The following SAMD13 variants were observed in gnomAD, a reference collection of about 807,000 sequenced individuals.
The protein encoded by SAMD13 is sterile alpha motif domain containing 13, also known as sterile alpha motif domain-containing protein 13.
SAMD13 carries 9 observed loss-of-function variants against 12.4 expected under a neutral mutation model. The observed-to-expected ratio is 0.72, with a 90% CI of 0.44 to 1.26. The LOEUF (loss-of-function observed/expected upper bound fraction) is 1.26, where lower values mean the gene tolerates loss of function less well. Among genes scored for constraint, SAMD13 ranks in the 50% most tolerant of loss-of-function variants. The probability of loss-of-function intolerance (pLI) is 0.00; values close to 1 mark genes in which losing one functional copy is unlikely to be tolerated. For synonymous variants in SAMD13, 46 were observed against 45.4 expected (o/e 1.01, Z -0.05); for missense variants, 84 against 119.6 (o/e 0.70, Z 1.39).
At chr1:84,345,152 G>A (rs1252434717) in intron 3 of SAMD13, 1 of 456,452 alleles carries the variant, frequency 2.2e-6, no homozygotes, top group Admixed American at 2.3e-5. Context: ...ACTTCAGACT[G>A]GTCACCATTT....
intron 3 of SAMD13, among the ~76,000 whole-genome samples, chr1:84,337,099 C>T (rs545731808): frequency 6.6e-6 from 1 of 152,316 alleles, no homozygotes; most frequent in African/African-American, 2.4e-5. Context: ...AGCCTCCCTC[C>T]TGGCTGCTTT....
At chr1:84,310,005 C>A (rs1237135416) in intron 2 of SAMD13, among the ~76,000 whole-genome samples, 2 of 152,016 alleles carry the variant, frequency 1.3e-5, no homozygotes, top group African/African-American at 2.4e-5. Flanking sequence ...GTTAAACAAT[C>A]AAATATTTTA....
rs1240613087 is a variant in SAMD13, at chr1:84,303,134, G to A, written c.-32-69G>A. On this transcript the variant is annotated intron_variant, in intron 1 of 3. Coordinates refer to ENST00000394834, the MANE Select transcript of SAMD13 (RefSeq NM_001134663.2). ...CTGTAAAAGGGACCATTATGTTTCC[G>A]ATTCAGAATATATATTCTTCTCTCA... 4.1e-6 allele frequency: 5 copies of A among 1,210,168 alleles called. 1 individual carries two copies. The highest frequency in any genetic ancestry group is 1.5e-5 in the African/African-American group (1 of 66,132). The allele number at this position is 1,210,168 out of a possible 1,614,324, so 75.0% of individuals were successfully genotyped here.
chr1:84,330,880 G>A (rs1570250300), intron 3 of SAMD13, among the ~76,000 whole-genome samples: 1 of 152,086 alleles, frequency 6.6e-6, no homozygotes, highest in African/African-American at 2.4e-5. Context: ...GTATCTCTGA[G>A]ATAATCATGA....
intron 3 of SAMD13, among the ~76,000 whole-genome samples, chr1:84,326,787 G>A (rs1037321460): frequency 1.1e-4 from 16 of 152,230 alleles, no homozygotes; most frequent in African/African-American, 3.9e-4. Flanking sequence ...TTAGCTGTAT[G>A]GCCTGAGTTT....
At chr1:84,313,200 A>T (rs1678752855) in intron 2 of SAMD13, among the ~76,000 whole-genome samples, 1 of 152,206 alleles carries the variant, frequency 6.6e-6, no homozygotes, top group Admixed American at 6.6e-5. Flanking sequence ...AAGAATGTAC[A>T]TATATATGGG....
chr1:84,306,442 G>C (rs778363042), intron 2 of SAMD13, among the ~76,000 whole-genome samples: 2 of 151,894 alleles, frequency 1.3e-5, no homozygotes, highest in Admixed American at 6.6e-5. Context: ...TTCCTTCCCA[G>C]TCTGAATGCC....
chr1:84,334,693 T>C (rs1170971047), intron 3 of SAMD13, among the ~76,000 whole-genome samples: 1 of 152,180 alleles, frequency 6.6e-6, no homozygotes, highest in Non-Finnish European at 1.5e-5. Context: ...ATGTGGGCAC[T>C]TAGCAGTATA....
chr1:84,319,694 A>G (rs1678902357), intron 2 of SAMD13, among the ~76,000 whole-genome samples: 1 of 152,088 alleles, frequency 6.6e-6, no homozygotes, highest in Admixed American at 6.6e-5. Flanking sequence ...ATGTACAGAT[A>G]GAAAGAGGAA....
chr1:84,330,350 T>C (rs1402770247), intron 3 of SAMD13, among the ~76,000 whole-genome samples: 2 of 152,220 alleles, frequency 1.3e-5, no homozygotes, highest in Non-Finnish European at 2.9e-5. Context: ...AGTTGAACTT[T>C]TGTGAATAGA....
In SAMD13 at chr1:84,313,157, C is replaced by T. The variant is rs575861162; in HGVS notation, c.53+9870C>T. Among the ~76,000 whole-genome samples the T allele has an allele frequency of 5.9e-5, 9 of 152,166 alleles. No homozygotes were observed. In the East Asian group the frequency reaches 1.7e-3, roughly 29 times the overall value. ...TCTATGTATCCACATGTATACATAA[C>T]ACAAGAATATATACATATATTCACA... On this transcript the variant is annotated intron_variant, in intron 2 of 3. Coordinates refer to ENST00000394834, the MANE Select transcript of SAMD13 (RefSeq NM_001134663.2).
chr1:84,303,104 T>G (rs1366634636), intron 1 of SAMD13, 99 bp from the exon 2 acceptor site: 1 of 842,662 alleles, frequency 1.2e-6, no homozygotes, highest in Non-Finnish European at 1.9e-6. Context: ...TGAACTGGTG[T>G]GAAGCTGTAA....
At chr1:84,307,431 C>T (rs1678603181) in intron 2 of SAMD13, among the ~76,000 whole-genome samples, 1 of 152,088 alleles carries the variant, frequency 6.6e-6, no homozygotes, top group South Asian at 2.1e-4. Context: ...ATATCCAATC[C>T]TTCCTCTAGC....
At chr1:84,305,261 A>T (rs530274885) in intron 2 of SAMD13, among the ~76,000 whole-genome samples, 89 of 152,276 alleles carry the variant, frequency 5.8e-4, no homozygotes, top group African/African-American at 2.1e-3. Flanking sequence ...ATGACTAATG[A>T]TGTTGAGCAT....
chr1:84,320,364 TTCA>T (rs1319308589), intron 2 of SAMD13, among the ~76,000 whole-genome samples: 1 of 152,226 alleles, frequency 6.6e-6, no homozygotes, highest in Non-Finnish European at 1.5e-5. Flanking sequence ...TTTCAATGCT[TTCA>T]TCATTTTGAT....
chr1:84,311,168 T>C, intron 2 of SAMD13, among the ~76,000 whole-genome samples: 1 of 151,628 alleles, frequency 6.6e-6, no homozygotes, highest in South Asian at 2.1e-4. Context: ...AAATCCCATC[T>C]CTACTAAAAA....
chr1:84,344,802 C>T (rs1184891595), intron 3 of SAMD13: 2 of 425,336 alleles, frequency 4.7e-6, no homozygotes, highest in African/African-American at 2.0e-5. Flanking sequence ...AAAGAGGCAT[C>T]TGAGGAGAAA....
chr1:84,345,177 A>C (rs752262446), intron 3 of SAMD13: 3 of 456,320 alleles, frequency 6.6e-6, no homozygotes, highest in African/African-American at 2.0e-5. Flanking sequence ...CCAGACAGTA[A>C]ATGGCAAGAG....
At chr1:84,337,925 TAG>T (rs1679336787) in intron 3 of SAMD13, among the ~76,000 whole-genome samples, 1 of 152,200 alleles carries the variant, frequency 6.6e-6, no homozygotes. Context: ...CACAAATCTC[TAG>T]GGCAGGGGCA....
Sources: allele counts gnomAD v4.1 joint callset (sites outside exome capture counted in the v4.1 genomes callset), GRCh38; gene constraint gnomAD v4.1.1; transcripts MANE v1.5; gene names NCBI Gene and HGNC (gene_info 2026-07-23, HGNC 2026-07-21).